CADM2: variants seen among roughly 807,000 people sequenced by gnomAD.
CADM2 encodes the protein immunoglobulin superfamily member 4D.
A neutral mutation model predicts 49.8 loss-of-function variants in CADM2; 12 were observed. That is an observed-to-expected ratio of 0.24 (90% CI 0.15 to 0.39). The LOEUF (loss-of-function observed/expected upper bound fraction) is 0.39. Ranked by LOEUF, CADM2 falls within the 10% of genes least tolerant of loss-of-function variation. The pLI is 1.00. For synonymous variants in CADM2, 214 were observed against 175.4 expected (o/e 1.22, Z -1.74); for missense variants, 378 against 492.3 (o/e 0.77, Z 2.20).
At chr3:85,821,895 A>G (rs2073598427) in intron 3 of CADM2, among the ~76,000 whole-genome samples, 1 of 152,200 alleles carries the variant, frequency 6.6e-6, no homozygotes, top group African/African-American at 2.4e-5. Context: ...ATAAAAATGT[A>G]TGTATTTGTT....
At chr3:85,303,810 C>T (rs1284221671) in intron 1 of CADM2, among the ~76,000 whole-genome samples, 1 of 151,708 alleles carries the variant, frequency 6.6e-6, no homozygotes, top group African/African-American at 2.4e-5. Context: ...TCGGATTCTT[C>T]GTTCCAATGT....
intron 1 of CADM2, among the ~76,000 whole-genome samples, chr3:85,607,257 C>A (rs2063561907): frequency 1.3e-5 from 2 of 152,050 alleles, no homozygotes; most frequent in African/African-American, 4.8e-5. Flanking sequence ...ACTCTAATTT[C>A]ATAAATGATG....
chr3:85,910,479 T>C (rs527615811), intron 5 of CADM2, among the ~76,000 whole-genome samples: 8 of 152,090 alleles, frequency 5.3e-5, no homozygotes, highest in Non-Finnish European at 1.0e-4. Flanking sequence ...TTCTGAAAGG[T>C]CATAGAGTCT....
chr3:85,738,526 G>C (rs1324798534), intron 2 of CADM2, among the ~76,000 whole-genome samples: 1 of 152,198 alleles, frequency 6.6e-6, no homozygotes, highest in Non-Finnish European at 1.5e-5. Context: ...GGCACAACAG[G>C]TGGCATGGCC....
rs190426813 is a variant in CADM2, at chr3:85,674,017, G to C, written c.62-52505G>C. ...AGAATCCACTGTCCTCTGTTTCTCCGGGTCATTCATTTATTTAATAAACTC... is the reference window on the plus strand; with the variant it reads ...AGAATCCACTGTCCTCTGTTTCTCCCGGTCATTCATTTATTTAATAAACTC... On this transcript the variant is annotated intron_variant, in intron 1 of 9. Coordinates refer to ENST00000383699, the MANE Select transcript of CADM2 (RefSeq NM_001167675.2). Among the ~76,000 whole-genome samples the C allele has an allele frequency of 1.0e-3, 153 of 152,058 alleles. 1 individual carries two copies. The highest frequency in any genetic ancestry group is 3.5e-3 in the African/African-American group (147 of 41,492).
intron 8 of CADM2, among the ~76,000 whole-genome samples, chr3:86,019,126 A>C (rs1477015941): frequency 0.011 from 1,160 of 109,258 alleles, 16 homozygotes; most frequent in African/African-American, 0.042. Flanking sequence ...ACCATTTATT[A>C]AATAGGGAAT....
chr3:85,339,327 G>T (rs2045177448), intron 1 of CADM2, among the ~76,000 whole-genome samples: 1 of 151,388 alleles, frequency 6.6e-6, no homozygotes, highest in Admixed American at 6.6e-5. Context: ...ATATGTTAAA[G>T]CACAAAGTAC....
At chr3:85,303,291 A>G (rs2044143125) in intron 1 of CADM2, among the ~76,000 whole-genome samples, 1 of 151,916 alleles carries the variant, frequency 6.6e-6, no homozygotes, top group Non-Finnish European at 1.5e-5. Context: ...GTTCTGCAGT[A>G]GTGTAAGTGT....
intron 1 of CADM2, among the ~76,000 whole-genome samples, chr3:85,033,404 G>T (rs902727179): frequency 1.3e-5 from 2 of 152,160 alleles, no homozygotes; most frequent in African/African-American, 4.8e-5. Context: ...CCATGGTAGA[G>T]AATTTTCCAC....
At chr3:85,911,931 T>C (rs1717654141) in intron 5 of CADM2, among the ~76,000 whole-genome samples, 1 of 150,778 alleles carries the variant, frequency 6.6e-6, no homozygotes. Flanking sequence ...ATTTTTTTTA[T>C]TATTTATTTA....
At chr3:85,475,093 G>A (rs2038923688) in intron 1 of CADM2, among the ~76,000 whole-genome samples, 1 of 151,888 alleles carries the variant, frequency 6.6e-6, no homozygotes, top group East Asian at 1.9e-4. Flanking sequence ...AAATGCTTAG[G>A]ACAATTTTTT....
intron 1 of CADM2, among the ~76,000 whole-genome samples, chr3:85,311,240 G>C (rs2044334344): frequency 6.6e-6 from 1 of 151,882 alleles, no homozygotes; most frequent in South Asian, 2.1e-4. Flanking sequence ...ACATTAGCTA[G>C]ATCTTAATTT....
At chr3:86,030,950 T>C (rs1042370952) in intron 8 of CADM2, among the ~76,000 whole-genome samples, 3 of 151,878 alleles carry the variant, frequency 2.0e-5, no homozygotes, top group African/African-American at 7.2e-5. Context: ...TTAGTCTGTT[T>C]AGGAATTCTG....
intron 1 of CADM2, among the ~76,000 whole-genome samples, chr3:85,337,865 A>G (rs1321491742): frequency 6.6e-6 from 1 of 151,642 alleles, no homozygotes; most frequent in Admixed American, 6.6e-5. Flanking sequence ...ATTTATAAAT[A>G]GTGTTATGAC....
intron 2 of CADM2, among the ~76,000 whole-genome samples, chr3:85,751,758 A>G (rs1048231217): frequency 7.9e-5 from 12 of 152,160 alleles, no homozygotes; most frequent in Non-Finnish European, 1.5e-4. Flanking sequence ...CAACACTTGC[A>G]ATTATCCAGG....
chr3:85,764,500 A>G (rs1163745872), intron 2 of CADM2, among the ~76,000 whole-genome samples: 1 of 152,122 alleles, frequency 6.6e-6, no homozygotes, highest in Non-Finnish European at 1.5e-5. Context: ...TACACATAGG[A>G]AGGAAGCAGA....
At chr3:85,317,655 C>T (rs936693360) in intron 1 of CADM2, among the ~76,000 whole-genome samples, 2 of 152,120 alleles carry the variant, frequency 1.3e-5, no homozygotes, top group African/African-American at 2.4e-5. Flanking sequence ...CAATTTACTC[C>T]CTCAAACCTT....
intron 1 of CADM2, among the ~76,000 whole-genome samples, chr3:85,684,672 G>A (rs1306909796): frequency 1.3e-5 from 2 of 152,118 alleles, no homozygotes; most frequent in Non-Finnish European, 2.9e-5. Flanking sequence ...AGGCATTTAA[G>A]AGATATGATA....
chr3:85,999,480 G>C (rs1729870388), intron 8 of CADM2, among the ~76,000 whole-genome samples: 1 of 150,790 alleles, frequency 6.6e-6, no homozygotes, highest in Non-Finnish European at 1.5e-5. Context: ...ACTCCAGCCT[G>C]AGTGACCAAG....
Sources: allele counts gnomAD v4.1 joint callset (sites outside exome capture counted in the v4.1 genomes callset), GRCh38; gene constraint gnomAD v4.1.1; transcripts MANE v1.5; gene names NCBI Gene and HGNC (gene_info 2026-07-23, HGNC 2026-07-21).